The following TBC1D5 variants were observed in gnomAD, a reference collection of about 807,000 sequenced individuals.
The protein encoded by TBC1D5 is TBC1 domain family, member 5.
A neutral mutation model predicts 100.3 loss-of-function variants in TBC1D5; 75 were observed. That is an observed-to-expected ratio of 0.75 (90% CI 0.62 to 0.91). The LOEUF (loss-of-function observed/expected upper bound fraction) is 0.91, where lower values mean the gene tolerates loss of function less well. Ranked by LOEUF, TBC1D5 falls within the 40% of genes least tolerant of loss-of-function variation. TBC1D5 has a pLI of 0.00. For missense variants in TBC1D5, 910 were observed against 942.4 expected (o/e 0.97, Z 0.45); for synonymous variants, 323 against 325.6 (o/e 0.99, Z 0.09).
At chr3:17,639,952 G>A (rs1017358812) in intron 1 of TBC1D5, among the ~76,000 whole-genome samples, 6 of 152,130 alleles carry the variant, frequency 3.9e-5, no homozygotes, top group African/African-American at 1.4e-4. Flanking sequence ...AACAAGCATA[G>A]GAGAGGGAAT....
chr3:17,422,116 A>G (rs961482559), intron 4 of TBC1D5, among the ~76,000 whole-genome samples: 2 of 152,112 alleles, frequency 1.3e-5, no homozygotes, highest in African/African-American at 4.8e-5. Context: ...TATAACTTCT[A>G]GCAAATAAAT....
intron 1 of TBC1D5, among the ~76,000 whole-genome samples, chr3:17,708,372 T>A (rs1243674748): frequency 6.6e-6 from 1 of 152,244 alleles, no homozygotes; most frequent in Non-Finnish European, 1.5e-5. Context: ...CCCCTGCTGA[T>A]GGACATTTAG....
intron 19 of TBC1D5, among the ~76,000 whole-genome samples, chr3:17,169,527 C>T (rs570508387): frequency 3.9e-5 from 6 of 152,098 alleles, no homozygotes; most frequent in Admixed American, 6.5e-5. Context: ...AAAGCAACAG[C>T]GTTTATTTAT....
intron 3 of TBC1D5, among the ~76,000 whole-genome samples, chr3:17,466,195 GTAAGAATA>G (rs1296482482): frequency 1.3e-5 from 2 of 152,168 alleles, no homozygotes; most frequent in Non-Finnish European, 2.9e-5. Context: ...ACACATCCCA[GTAAGAATA>G]TAAGTCAGTA....
chr3:17,671,769 A>T (rs529048966), intron 1 of TBC1D5, among the ~76,000 whole-genome samples: 24 of 152,316 alleles, frequency 1.6e-4, no homozygotes, highest in Non-Finnish European at 3.4e-4. Context: ...TTACATCCTA[A>T]ATCTATTTTT....
At chr3:17,309,302 T>G (rs906089760) in intron 13 of TBC1D5, among the ~76,000 whole-genome samples, 1 of 152,002 alleles carries the variant, frequency 6.6e-6, no homozygotes, top group Non-Finnish European at 1.5e-5. Context: ...AGGAACCATG[T>G]GATTAAACAC....
chr3:17,734,925 C>CAA (rs34091810), intron 1 of TBC1D5, among the ~76,000 whole-genome samples: 2,449 of 145,748 alleles, frequency 0.017, 45 homozygotes, highest in South Asian at 0.046. Context: ...GTCTCTACGA[C>CAA]AAAAAAAAAA....
Position 17,608,278 on chromosome 3 carries a change from T to A in TBC1D5, c.-36+15571A>T, listed in dbSNP as rs138675475. Among the ~76,000 whole-genome samples, 1,023 of 151,634 alleles carry A rather than the reference T, an allele frequency of 6.7e-3. 12 individuals carry two copies. Among genetic ancestry groups the A allele is most frequent in the African/African-American group, 0.024 (988 of 41,320 alleles). On this transcript the variant is annotated intron_variant, in intron 2 of 21. Transcript: ENST00000253692. ...TCTCAAAAACGAAAACAAAAAAGAG[T>A]AAGACACAGATGCCCATTATCATCA... is the stretch of plus-strand genomic sequence containing the variant.
Position 17,514,421 on chromosome 3 carries a change from T to C in TBC1D5, c.-35-5816A>G, listed in dbSNP as rs192692154. ...TTTTAGCAACCACACAATTTTACTA[T>C]CCAAGTGTTGTCTAACAAACAGGTA... On this transcript the variant is annotated intron_variant, in intron 2 of 21. Transcript: ENST00000253692. Among the ~76,000 whole-genome samples the C allele has an allele frequency of 1.2e-3, 176 of 152,262 alleles. 1 individual carries two copies. The highest frequency in any genetic ancestry group is 4.1e-3 in the African/African-American group (172 of 41,574).
intron 2 of TBC1D5, among the ~76,000 whole-genome samples, chr3:17,528,624 C>A (rs1008591540): frequency 6.6e-6 from 1 of 151,564 alleles, no homozygotes; most frequent in Non-Finnish European, 1.5e-5. Context: ...TCCTCTTTCA[C>A]CCCCCCATTC....
At chr3:17,281,101 A>G (rs2080539133) in intron 15 of TBC1D5, among the ~76,000 whole-genome samples, 1 of 152,182 alleles carries the variant, frequency 6.6e-6, no homozygotes, top group Non-Finnish European at 1.5e-5. Flanking sequence ...ACCAGTTCCC[A>G]CCCGTGAAGG....
At chr3:17,242,950 T>A (rs2149128387) in intron 16 of TBC1D5, among the ~76,000 whole-genome samples, 1 of 152,260 alleles carries the variant, frequency 6.6e-6, no homozygotes, top group Admixed American at 6.5e-5. Context: ...GTGTGAAAGG[T>A]CTGTTAGATT....
chr3:17,190,661 C>T (rs1031899927), intron 18 of TBC1D5, among the ~76,000 whole-genome samples: 2 of 152,188 alleles, frequency 1.3e-5, no homozygotes, highest in Non-Finnish European at 2.9e-5. Flanking sequence ...CAACACACAC[C>T]ATGCTGACAG....
At chr3:17,452,759 G>A (rs972399813) in intron 3 of TBC1D5, among the ~76,000 whole-genome samples, 6 of 151,876 alleles carry the variant, frequency 4.0e-5, no homozygotes, top group African/African-American at 1.5e-4. Flanking sequence ...ATATCTCCCA[G>A]ACAAAGAAAT....
intron 2 of TBC1D5, among the ~76,000 whole-genome samples, chr3:17,606,848 G>T (rs866162035): frequency 1.3e-5 from 2 of 152,014 alleles, no homozygotes; most frequent in African/African-American, 4.8e-5. Flanking sequence ...CCCAAAAAAC[G>T]ATCCTGATGC....
intron 3 of TBC1D5, among the ~76,000 whole-genome samples, chr3:17,473,438 A>C (rs1227537372): frequency 6.6e-6 from 1 of 152,224 alleles, no homozygotes. Flanking sequence ...TTGCAATACT[A>C]AAGATTCCCC....
In TBC1D5 at chr3:17,620,349, C is replaced by A. The variant is rs993450927; in HGVS notation, c.-36+3500G>T. Among the ~76,000 whole-genome samples the A allele has an allele frequency of 2.0e-5, 3 of 152,130 alleles. No individual in the cohort carries two copies. The East Asian group carries it at 5.8e-4, about 29-fold the overall frequency. On this transcript the variant is annotated intron_variant, in intron 2 of 21. Transcript: ENST00000253692. Reference sequence around the variant, plus strand: ...CCCTGAAGATACACCTGTAAAACTACGAAAGTAAGTATCATTGCAGCATAT... The same window carrying A: ...CCCTGAAGATACACCTGTAAAACTAAGAAAGTAAGTATCATTGCAGCATAT...
At chr3:17,386,251 C>T (rs1233913317) in intron 8 of TBC1D5, among the ~76,000 whole-genome samples, 1 of 152,042 alleles carries the variant, frequency 6.6e-6, no homozygotes, top group African/African-American at 2.4e-5. Context: ...TTTTGCACGT[C>T]CCCTTCCTCA....
At chr3:17,284,747 A>G (rs1008045316) in intron 15 of TBC1D5, among the ~76,000 whole-genome samples, 59 of 152,214 alleles carry the variant, frequency 3.9e-4, no homozygotes, top group Admixed American at 1.5e-3. Flanking sequence ...ATTATTCCTT[A>G]CAAATCTTTG....
Sources: allele counts gnomAD v4.1 joint callset (sites outside exome capture counted in the v4.1 genomes callset), GRCh38; gene constraint gnomAD v4.1.1; transcripts MANE v1.5; gene names NCBI Gene and HGNC (gene_info 2026-07-23, HGNC 2026-07-21).